Variants in VWA8 observed in about 807,000 individuals in gnomAD.
VWA8 encodes von Willebrand factor A domain-containing protein 8.
In VWA8, 221 loss-of-function variants were observed where a neutral mutation model predicts 241.5. The observed-to-expected ratio is 0.91, with a 90% CI of 0.82 to 1.02. VWA8 has a LOEUF of 1.02. VWA8 is among the 50% of genes least tolerant of loss of function. The pLI is 0.00. For missense variants in VWA8, 2,322 were observed against 2,328.7 expected (o/e 1.00, Z 0.06); for synonymous variants, 852 against 827.1 (o/e 1.03, Z -0.52).
intron 35 of VWA8, among the ~76,000 whole-genome samples, chr13:41,680,678 A>G (rs534508554): frequency 6.6e-6 from 1 of 152,322 alleles, no homozygotes; most frequent in East Asian, 1.9e-4. Context: ...ACAAGAGTAG[A>G]TTAGGATGGG....
chr13:41,700,414 C>T (rs2045242156), intron 28 of VWA8, among the ~76,000 whole-genome samples: 2 of 151,968 alleles, frequency 1.3e-5, no homozygotes, highest in South Asian at 2.1e-4. Context: ...GGAGACAATG[C>T]AAACTGTAGA....
At chr13:41,705,694 C>T (rs952423801) in intron 26 of VWA8, among the ~76,000 whole-genome samples, 1 of 151,828 alleles carries the variant, frequency 6.6e-6, no homozygotes, top group African/African-American at 2.4e-5. Flanking sequence ...TTTGACTTTG[C>T]TTGATATTAA....
At chr13:41,949,885 ATAATGAAAAG>A in intron 2 of VWA8, 41 bp downstream of exon 2, 1 of 1,143,792 alleles carries the variant, frequency 8.7e-7, no homozygotes, top group Non-Finnish European at 1.2e-6. Context: ...GAAAATTCCT[ATAATGAAAAG>A]TTAAAAGTTA....
Position 41,875,811 on chromosome 13 carries a change from G to A in VWA8, c.1081-7334C>T, listed in dbSNP as rs114662935. Among the ~76,000 whole-genome samples, 265 of 151,878 alleles carry A rather than the reference G, an allele frequency of 1.7e-3. 2 individuals are homozygous for A. Among genetic ancestry groups the A allele is most frequent in the African/African-American group, 5.8e-3 (240 of 41,436 alleles). ...TGACTTTACAAACCATCATGACCCC[G>A]ATTTTCTCTCTCCAGTACAGATCTC... On this transcript the variant is annotated intron_variant, in intron 9 of 44. Coordinates refer to ENST00000379310, the MANE Select transcript of VWA8 (RefSeq NM_015058.2).
At position 41,783,781 on chromosome 13, in the gene VWA8, A is replaced by G; in HGVS notation, c.2277+14T>C. The G allele has an allele frequency of 1.9e-6, 3 of 1,583,778 alleles. No homozygotes were observed. The highest frequency in any genetic ancestry group is 2.2e-5 in the South Asian group (2 of 89,586). The stretch of plus-strand genomic sequence containing the variant: ...TTAAGTGATTTATCCAAGAACACAA[A>G]GCAATACTCTTACCTGAATGTTGTC... On this transcript the variant is annotated intron_variant, in intron 19 of 44. Transcript: ENST00000379310.
At chr13:41,572,797 T>TAAAAAAAAAAAAA (rs869088660) in intron 43 of VWA8, among the ~76,000 whole-genome samples, 5 of 67,774 alleles carry the variant, frequency 7.4e-5, no homozygotes, top group East Asian at 3.5e-4. Context: ...CAATAAATAC[T>TAAAAAAAAAAAAA]AAAAAAAAAA....
chr13:41,882,126 G>A (rs1349412829), intron 9 of VWA8, among the ~76,000 whole-genome samples: 2 of 151,212 alleles, frequency 1.3e-5, no homozygotes, highest in African/African-American at 4.9e-5. Flanking sequence ...CTCCCAGACG[G>A]GGTCGCGGCC....
At position 41,960,990 on chromosome 13, in the gene VWA8, C is replaced by A; in HGVS notation, c.26G>T (p.Gly9Val). 7.1e-7 allele frequency: 1 copy of A among 1,404,140 alleles called. No homozygotes were observed. The highest frequency in any genetic ancestry group is 9.2e-7 in the Non-Finnish European group (1 of 1,088,516). The allele number at this position is 1,404,140 out of a possible 1,614,324, so 87.0% of individuals were successfully genotyped here. A position where few individuals can be genotyped will look rare whatever the true frequency, so the allele number is the denominator to read the frequency against. ...CGGGCCGCCGTGGCCTCCGGGTGCC[C>A]CGAGGAGTAGAAGCCGGGATTGCAT... MQSRLLLL[G>V]APGGHGGPAS... The change falls in exon 1 of 45, where the codon GGG becomes GTG. Residue 9 changes from glycine to valine, a missense_variant. Gly to Val is a moderately radical substitution (Grantham distance 109). Coordinates refer to ENST00000379310, the MANE Select transcript of VWA8 (RefSeq NM_015058.2).
chr13:41,956,902 T>C (rs1878373243), intron 1 of VWA8, among the ~76,000 whole-genome samples: 1 of 152,194 alleles, frequency 6.6e-6, no homozygotes. Context: ...GTAATAATTA[T>C]AAAACATACA....
chr13:41,613,259 T>C (rs12875359), intron 38 of VWA8, among the ~76,000 whole-genome samples: 2,729 of 152,304 alleles, frequency 0.018, 26 homozygotes, highest in South Asian at 0.052. Flanking sequence ...GCCTATTAAT[T>C]ACACTACTTT....
intron 37 of VWA8, among the ~76,000 whole-genome samples, chr13:41,623,542 G>A (rs373417643): frequency 8.5e-5 from 13 of 152,296 alleles, no homozygotes; most frequent in African/African-American, 2.4e-4. Context: ...TACTTCTAAC[G>A]AGACATGCTT....
intron 5 of VWA8, among the ~76,000 whole-genome samples, chr13:41,889,577 C>T (rs1250441480): frequency 2.0e-5 from 3 of 152,054 alleles, no homozygotes; most frequent in African/African-American, 7.3e-5. Flanking sequence ...CGAGGTTTTA[C>T]CATGTTGGCC....
intron 21 of VWA8, among the ~76,000 whole-genome samples, chr13:41,750,491 A>AAAGG (rs55752497): frequency 0.16 from 24,173 of 149,764 alleles, 2,081 homozygotes; most frequent in Non-Finnish European, 0.2. Context: ...GGAAAAAAAG[A>AAAGG]AAGGAAGGAA....
At chr13:41,806,001 T>TTA (rs776312304) in intron 17 of VWA8, among the ~76,000 whole-genome samples, 13 of 118,884 alleles carry the variant, frequency 1.1e-4, no homozygotes, top group Admixed American at 8.3e-4. Context: ...AATTCAAAAA[T>TTA]AAAAAAAAAA....
intron 17 of VWA8, among the ~76,000 whole-genome samples, chr13:41,809,210 AT>A (rs2137971600): frequency 6.6e-6 from 1 of 152,282 alleles, no homozygotes; most frequent in South Asian, 2.1e-4. Flanking sequence ...ATTAAATGCA[AT>A]CCCTATCAAA....
intron 2 of VWA8, among the ~76,000 whole-genome samples, chr13:41,947,466 T>TGATTGC (rs774714818): frequency 7.9e-5 from 12 of 152,192 alleles, no homozygotes; most frequent in South Asian, 2.1e-4. Context: ...GGGCAAATAA[T>TGATTGC]GATTGCAAGT....
intron 43 of VWA8, among the ~76,000 whole-genome samples, chr13:41,573,486 A>AAAAAATAAAT: frequency 1.2e-3 from 138 of 113,596 alleles, no homozygotes; most frequent in African/African-American, 4.2e-3. Flanking sequence ...AAAAAAAAAA[A>AAAAAATAAAT]ATATATATAT....
At chr13:41,724,321 G>C (rs1159699703) in intron 24 of VWA8, among the ~76,000 whole-genome samples, 1 of 152,134 alleles carries the variant, frequency 6.6e-6, no homozygotes, top group Non-Finnish European at 1.5e-5. Context: ...TGTTACAAAG[G>C]AGAAGAAAAA....
At chr13:41,821,342 C>T (rs1000902147) in intron 14 of VWA8, among the ~76,000 whole-genome samples, 3 of 152,050 alleles carry the variant, frequency 2.0e-5, no homozygotes, top group African/African-American at 4.8e-5. Context: ...AAACAGTCAC[C>T]GAACTACTGA....
Sources: gnomAD v4.1 joint callset for allele counts (sites outside exome capture counted in the v4.1 genomes callset) on GRCh38, gnomAD v4.1.1 for gene constraint, MANE v1.5 for transcripts, NCBI Gene and HGNC (gene_info 2026-07-23, HGNC 2026-07-21) for gene names.